SNX27: variants seen among roughly 807,000 people sequenced by gnomAD.
SNX27 encodes sorting nexin-27.
A neutral mutation model predicts 71.6 loss-of-function variants in SNX27; 22 were observed. The observed-to-expected ratio is 0.31, with a 90% confidence interval of 0.22 to 0.44. The LOEUF (loss-of-function observed/expected upper bound fraction) is 0.44, where lower values mean the gene tolerates loss of function less well. SNX27 is among the 20% of genes least tolerant of loss of function. The pLI, the probability that SNX27 is intolerant of heterozygous loss-of-function variation, is 1.00. For missense variants in SNX27, 531 were observed against 698.6 expected, an observed-to-expected ratio of 0.76 and a Z score of 2.70; for synonymous variants, 269 against 277.2, an observed-to-expected ratio of 0.97 and a Z score of 0.29.
chr1:151,692,920 A>G lies in SNX27; in HGVS notation c.1399A>G (p.Ile467Val). ...TGTCTTGGTTGTCCAGAACCAGGTAATTGCATTTGAATGGGATGAGATGCA... is the reference window on the plus strand; with the variant it reads ...TGTCTTGGTTGTCCAGAACCAGGTAGTTGCATTTGAATGGGATGAGATGCA... ...TEEGQLENQVIAFEWDEMQRW... is the reference protein window; with the variant it reads ...TEEGQLENQVVAFEWDEMQRW... The change falls in exon 10 of 12, where the codon ATT (isoleucine) becomes GTT (valine). Residue 467 changes from isoleucine (I) to valine (V), a missense_variant. By Grantham distance (29) the Ile-to-Val change is conservative (BLOSUM62 3). Around this residue, in one of 5 missense-constraint regions of SNX27, gnomAD observed 157 missense variants for 178.4 expected, o/e 0.88. Coordinates refer to ENST00000458013, the MANE Select transcript of SNX27 (RefSeq NM_001330723.2). The G allele has an allele frequency of 6.2e-7, 1 of 1,614,186 alleles. No individual in the cohort carries two copies. Among genetic ancestry groups the G allele is most frequent in the Non-Finnish European group, 8.5e-7 (1 of 1,180,018 alleles).
chr1:151,635,394 TGA>T lies in SNX27; in HGVS notation c.312-3493_312-3492del, dbSNP rs1175140618. Among the ~76,000 whole-genome samples, 11 of 152,356 alleles carry T rather than the reference TGA, an allele frequency of 7.2e-5. No individual in the cohort carries two copies. The East Asian group carries it at 2.1e-3, about 29-fold the overall frequency. ...ATTGGTATTCAAACCCAAGTCTGTT[TGA>T]CTCCCAAACCCATACTTTGAACCTG... On this transcript the variant is annotated intron_variant, in intron 1 of 11. Coordinates refer to ENST00000458013, the MANE Select transcript of SNX27 (RefSeq NM_001330723.2).
At chr1:151,642,737 C>G (rs941472843) in intron 2 of SNX27, among the ~76,000 whole-genome samples, 5 of 151,952 alleles carry the variant, frequency 3.3e-5, no homozygotes, top group African/African-American at 1.2e-4. Flanking sequence ...CTCCATGGTT[C>G]ACGCCATTCT....
intron 7 of SNX27, among the ~76,000 whole-genome samples, chr1:151,671,821 T>C (rs1361319715): frequency 6.6e-6 from 1 of 152,180 alleles, no homozygotes; most frequent in East Asian, 1.9e-4. Context: ...TGTTGGCATA[T>C]AGAAATGCTG....
intron 8 of SNX27, among the ~76,000 whole-genome samples, chr1:151,688,261 T>G (rs1355447430): frequency 6.6e-6 from 1 of 152,180 alleles, no homozygotes; most frequent in Admixed American, 6.5e-5. Flanking sequence ...GGGAAGTCCC[T>G]GAAAGGAGAA....
rs1300627974 is a variant in SNX27 at position 151,640,397 on chromosome 1, A to G, written c.543+1278A>G. Among the ~76,000 whole-genome samples the G allele has an allele frequency of 6.6e-5, 10 of 152,160 alleles. 1 individual carries two copies. Among genetic ancestry groups the G allele is most frequent in the Non-Finnish European group, 1.0e-4 (7 of 68,028 alleles). On this transcript the variant is annotated intron_variant, in intron 2 of 11. Transcript: ENST00000458013. Reference sequence around the variant, plus strand: ...TTATTTTTATTATATATATTTTTTAAGACGAAGTCTCACTCTGTCCCCCAG... The same window carrying G: ...TTATTTTTATTATATATATTTTTTAGGACGAAGTCTCACTCTGTCCCCCAG...
At chr1:151,635,579 T>C (rs1476332618) in intron 1 of SNX27, among the ~76,000 whole-genome samples, 1 of 152,216 alleles carries the variant, frequency 6.6e-6, no homozygotes, top group Non-Finnish European at 1.5e-5. Flanking sequence ...TTTATGACTG[T>C]GAAGACCTCT....
chr1:151,660,726 CTT>C, intron 3 of SNX27, 70 bp from the exon 4 acceptor site: 1 of 1,189,840 alleles, frequency 8.4e-7, no homozygotes, highest in Non-Finnish European at 1.3e-6. Context: ...AAACTTAAAA[CTT>C]TGATACGTCT....
At chr1:151,671,729 C>G (rs1197320418) in intron 7 of SNX27, among the ~76,000 whole-genome samples, 1 of 151,972 alleles carries the variant, frequency 6.6e-6, no homozygotes, top group Non-Finnish European at 1.5e-5. Flanking sequence ...AATCCATGAA[C>G]ATGGAATACT....
At chr1:151,681,247 T>TTTTTTTTTTTTTG (rs1670937428) in intron 7 of SNX27, among the ~76,000 whole-genome samples, 2 of 127,862 alleles carry the variant, frequency 1.6e-5, no homozygotes, top group Non-Finnish European at 3.4e-5. Context: ...TTTTTTTTTT[T>TTTTTTTTTTTTTG]TTTTTTTTTT....
chr1:151,617,349 G>T (rs978031693), intron 1 of SNX27, among the ~76,000 whole-genome samples: 2 of 151,946 alleles, frequency 1.3e-5, no homozygotes. Flanking sequence ...TGCGATCTCG[G>T]CTCACTGCAA....
At chr1:151,655,659 C>T (rs557740651) in intron 2 of SNX27, among the ~76,000 whole-genome samples, 6 of 152,226 alleles carry the variant, frequency 3.9e-5, no homozygotes, top group South Asian at 2.1e-4. Flanking sequence ...CAGGGATCAC[C>T]GTTCTTAGCT....
chr1:151,670,359 G>A (rs769769586), intron 7 of SNX27, among the ~76,000 whole-genome samples: 4 of 152,200 alleles, frequency 2.6e-5, no homozygotes, highest in Non-Finnish European at 5.9e-5. Flanking sequence ...GCAAACATGG[G>A]AATGTGGATA....
chr1:151,657,836 A>G (rs372266763), intron 2 of SNX27, among the ~76,000 whole-genome samples: 4 of 152,100 alleles, frequency 2.6e-5, no homozygotes, highest in Non-Finnish European at 5.9e-5. Flanking sequence ...CCCCTTCTCT[A>G]CTAAAAATAC....
At chr1:151,673,827 C>G (rs1367866998) in intron 7 of SNX27, among the ~76,000 whole-genome samples, 1 of 152,130 alleles carries the variant, frequency 6.6e-6, no homozygotes, top group Non-Finnish European at 1.5e-5. Flanking sequence ...GTCTTACAAT[C>G]TATTTTGTCT....
At position 151,638,948 on chromosome 1, in the gene SNX27, C is replaced by G. The variant is rs764916423; in HGVS notation, c.372C>G (p.Gly124=). 1.2e-6 allele frequency: 2 copies of G among 1,613,992 alleles called. No individual in the cohort carries two copies. Among genetic ancestry groups the G allele is most frequent in the Admixed American group, 3.3e-5 (2 of 60,004 alleles). The change falls in exon 2 of 12, where the codon GGC becomes GGG. Residue 124 remains glycine (G), a synonymous_variant. Coordinates refer to ENST00000458013, the MANE Select transcript of SNX27 (RefSeq NM_001330723.2). ...HKQVVDLIRA[G]EKELILTVLS... ...AGGTGGTGGACCTGATTCGAGCAGG[C>G]GAGAAGGAATTGATCTTGACAGTGT... is the stretch of plus-strand genomic sequence containing the variant.
rs1257375897 is a variant in SNX27 at position 151,612,815 on chromosome 1, T to G, written c.311+303T>G. Reference sequence around the variant, plus strand: ...CTTCTCCGCCCCTTTGCCTTCCCGTTTGGCGTGCTGCATTCTGCTCCTCAC... The same window carrying G: ...CTTCTCCGCCCCTTTGCCTTCCCGTGTGGCGTGCTGCATTCTGCTCCTCAC... On this transcript the variant is annotated intron_variant, in intron 1 of 11. Coordinates refer to ENST00000458013, the MANE Select transcript of SNX27 (RefSeq NM_001330723.2). The surrounding 1 kb of genome is among the most constrained non-coding windows in gnomAD (Gnocchi z 5.2). Among the ~76,000 whole-genome samples the G allele has an allele frequency of 1.3e-5, 2 of 152,114 alleles. No homozygotes were observed. The highest frequency in any genetic ancestry group is 3.9e-4 in the East Asian group (2 of 5,168).
chr1:151,622,434 T>G (rs1667717531), intron 1 of SNX27, among the ~76,000 whole-genome samples: 1 of 152,236 alleles, frequency 6.6e-6, no homozygotes, highest in Non-Finnish European at 1.5e-5. Flanking sequence ...TTACATTATG[T>G]AGTAATTCAG....
rs574818417 is a variant in SNX27 at position 151,686,375 on chromosome 1, T to C, written c.1239+2930T>C. On this transcript the variant is annotated intron_variant, in intron 8 of 11. Coordinates refer to ENST00000458013, the MANE Select transcript of SNX27 (RefSeq NM_001330723.2). ...TGAATTTAATAAACACAGTAATCTA[T>C]TATGAAGTCATTTTTAGACTTGTTT... is the stretch of plus-strand genomic sequence containing the variant. Among the ~76,000 whole-genome samples, 96 of 152,358 alleles carry C rather than the reference T, an allele frequency of 6.3e-4. 1 individual carries two copies. The highest frequency in any genetic ancestry group is 2.2e-3 in the African/African-American group (90 of 41,572).
At chr1:151,683,769 C>A (rs190807032) in intron 8 of SNX27, among the ~76,000 whole-genome samples, 1 of 152,070 alleles carries the variant, frequency 6.6e-6, no homozygotes, top group African/African-American at 2.4e-5. Flanking sequence ...TGGGTTCAAG[C>A]GATTCTCCTG....
Sources: allele counts gnomAD v4.1 joint callset (sites outside exome capture counted in the v4.1 genomes callset), GRCh38; gene constraint gnomAD v4.1.1; regional missense constraint gnomAD v4.1.1; non-coding constraint Gnocchi (gnomAD v3.1); transcripts MANE v1.5; gene names NCBI Gene and HGNC (gene_info 2026-07-23, HGNC 2026-07-21).